Variants in PCDHGB2 observed in about 807,000 individuals in gnomAD.
PCDHGB2 encodes protocadherin gamma-B2.
Under a neutral mutation model 59.3 loss-of-function variants are expected in PCDHGB2, and 55 were observed. That is an observed-to-expected ratio of 0.93 (90% confidence interval 0.75 to 1.16). The LOEUF is 1.16. Ranked by LOEUF, PCDHGB2 falls within the 50% of genes most tolerant of loss-of-function variation. PCDHGB2 has a pLI of 0.00. For synonymous variants in PCDHGB2, 516 were observed against 512.0 expected, an observed-to-expected ratio of 1.01 and a Z score of -0.11; for missense variants, 1,228 against 1,198.5, an observed-to-expected ratio of 1.02 and a Z score of -0.36.
Position 141,487,500 on chromosome 5 carries a change from C to G in PCDHGB2, c.2422-7307C>G. 6.2e-7 allele frequency: 1 copy of G among 1,614,178 alleles called. No individual in the cohort carries two copies. Among genetic ancestry groups the G allele is most frequent in the East Asian group, 2.2e-5 (1 of 44,862 alleles). Reference sequence around the variant, plus strand: ...CACTCTCATGGCTGTACACCCTTGGCTTCTGCACCCACTCGGAGTGATAGC... The same window carrying G: ...CACTCTCATGGCTGTACACCCTTGGGTTCTGCACCCACTCGGAGTGATAGC... On this transcript the variant is annotated intron_variant, in intron 1 of 3. Coordinates refer to ENST00000522605, the MANE Select transcript of PCDHGB2 (RefSeq NM_018923.3). The surrounding 1 kb of genome is among the most constrained non-coding windows in gnomAD (Gnocchi z 5.0).
intron 1 of PCDHGB2, chr5:141,385,316 G>A: frequency 1.2e-6 from 2 of 1,610,350 alleles, no homozygotes; most frequent in Non-Finnish European, 1.7e-6. Flanking sequence ...AACCTGCCAA[G>A]TATTCAGGTG....
chr5:141,370,824 G>C, intron 1 of PCDHGB2: 1 of 1,613,996 alleles, frequency 6.2e-7, no homozygotes, highest in Non-Finnish European at 8.5e-7. Flanking sequence ...GGAAATCAGC[G>C]AACTGGCTCT....
chr5:141,379,766 C>G (rs1325223169), intron 1 of PCDHGB2: 1 of 151,638 alleles, frequency 6.6e-6, no homozygotes, highest in Admixed American at 6.6e-5. Context: ...ACCTGCAATA[C>G]AGATCATTAA....
chr5:141,455,492 T>G (rs958076901), intron 1 of PCDHGB2, among the ~76,000 whole-genome samples: 10 of 152,188 alleles, frequency 6.6e-5, no homozygotes, highest in Non-Finnish European at 1.2e-4. Context: ...GGAGGTGATG[T>G]CTGATTTGCA....
chr5:141,498,045 A>G (rs1368474174), intron 2 of PCDHGB2, among the ~76,000 whole-genome samples: 4 of 152,256 alleles, frequency 2.6e-5, no homozygotes, highest in Non-Finnish European at 4.4e-5. Flanking sequence ...AATTACAAAA[A>G]TAAATGTGAG....
chr5:141,490,640 G>C lies in PCDHGB2; in HGVS notation c.2422-4167G>C, dbSNP rs774630488. 1 of 1,614,122 alleles carries C rather than the reference G, an allele frequency of 6.2e-7. No individual in the cohort carries two copies. The highest frequency in any genetic ancestry group is 8.5e-7 in the Non-Finnish European group (1 of 1,180,012). On this transcript the variant is annotated intron_variant, in intron 1 of 3. Coordinates refer to ENST00000522605, the MANE Select transcript of PCDHGB2 (RefSeq NM_018923.3). This position sits in a 1 kb window ranked among gnomAD's most constrained non-coding sequence, Gnocchi z 5.4. The stretch of plus-strand genomic sequence containing the variant: ...TACACTGCTTACATCCTAGAAAACC[G>C]GCCTCCGGGCTCCCTTCTTTGCACT...
chr5:141,478,145 T>C (rs1252008984), intron 1 of PCDHGB2: 1 of 1,614,026 alleles, frequency 6.2e-7, no homozygotes. Context: ...CCGAGCCGAG[T>C]TCCCCTCTGG....
intron 1 of PCDHGB2, chr5:141,399,616 C>G (rs777443975): frequency 6.2e-7 from 1 of 1,613,962 alleles, no homozygotes. Flanking sequence ...GCCTCTGGCA[C>G]TGGCCTCTTA....
At chr5:141,397,693 A>G (rs1389804077) in intron 1 of PCDHGB2, among the ~76,000 whole-genome samples, 2 of 152,244 alleles carry the variant, frequency 1.3e-5, no homozygotes, top group East Asian at 1.9e-4. Flanking sequence ...TTGTATAAAA[A>G]CCCAACGTGA....
chr5:141,414,903 C>A, intron 1 of PCDHGB2: 2 of 1,614,218 alleles, frequency 1.2e-6, no homozygotes, highest in Non-Finnish European at 1.7e-6. Flanking sequence ...CAGACGGTTC[C>A]ACAGGCGTGG....
chr5:141,385,198 C>A, intron 1 of PCDHGB2: 1 of 1,614,224 alleles, frequency 6.2e-7, no homozygotes, highest in Non-Finnish European at 8.5e-7. Flanking sequence ...TCGGAAGAGT[C>A]ACCTGATCTT....
intron 1 of PCDHGB2, chr5:141,440,652 C>T (rs755275974): frequency 6.6e-6 from 1 of 152,160 alleles, no homozygotes; most frequent in Non-Finnish European, 1.5e-5. Flanking sequence ...AAAATTATCA[C>T]CTTAGCAGCA....
chr5:141,445,025 C>T (rs2154560886), intron 1 of PCDHGB2, among the ~76,000 whole-genome samples: 2 of 152,200 alleles, frequency 1.3e-5, no homozygotes, highest in Middle Eastern at 6.8e-3. Flanking sequence ...TTTCTCTCAG[C>T]TATGTTGTAT....
In PCDHGB2 at chr5:141,487,186, A is replaced by G; in HGVS notation, c.2422-7621A>G. 4 of 1,613,760 alleles carry G rather than the reference A, an allele frequency of 2.5e-6. No individual in the cohort carries two copies. The highest frequency in any genetic ancestry group is 2.5e-6 in the Non-Finnish European group (3 of 1,179,662). ...TGTCCTTAGAGGAAGACACTCATCC[A>G]GTTGTCCCAGATCTTCGAGAATCTT... is the stretch of plus-strand genomic sequence containing the variant. On this transcript the variant is annotated intron_variant, in intron 1 of 3. Coordinates refer to ENST00000522605, the MANE Select transcript of PCDHGB2 (RefSeq NM_018923.3). This position sits in a 1 kb window ranked among gnomAD's most constrained non-coding sequence, Gnocchi z 5.0.
chr5:141,497,005 A>T (rs1249733879), intron 2 of PCDHGB2, among the ~76,000 whole-genome samples: 1 of 152,134 alleles, frequency 6.6e-6, no homozygotes, highest in Non-Finnish European at 1.5e-5. Context: ...GGCAGCCAAC[A>T]TGGTGAAACC....
chr5:141,374,385 G>A (rs1588739577), intron 1 of PCDHGB2: 3 of 1,614,026 alleles, frequency 1.9e-6, no homozygotes, highest in African/African-American at 1.3e-5. Flanking sequence ...CAGAGCCCGC[G>A]GTGTCTGGTG....
intron 1 of PCDHGB2, chr5:141,420,085 C>T: frequency 1.2e-6 from 2 of 1,614,028 alleles, no homozygotes; most frequent in Middle Eastern, 1.6e-4. Context: ...GTCCCCCCAA[C>T]TACAGTGAGG....
intron 1 of PCDHGB2, chr5:141,424,460 C>T (rs2096822106): frequency 6.6e-6 from 1 of 152,056 alleles, no homozygotes; most frequent in African/African-American, 2.4e-5. Context: ...GTATTATTTC[C>T]TTTTATTCTT....
rs765809429 is a variant in PCDHGB2 at position 141,511,205 on chromosome 5, C to A, written c.*32C>A. On this transcript the variant is annotated 3_prime_UTR_variant, in exon 4 of 4. Coordinates refer to ENST00000522605, the MANE Select transcript of PCDHGB2 (RefSeq NM_018923.3). ...GGCCAGGCCAAGAGCCACAGGGCGGCCTCTCCCCAACCAGCCCAGCTTCTC... is the reference window on the plus strand; with the variant it reads ...GGCCAGGCCAAGAGCCACAGGGCGGACTCTCCCCAACCAGCCCAGCTTCTC... 4.3e-6 allele frequency: 7 copies of A among 1,611,426 alleles called. No homozygotes were observed. The Admixed American group carries it at 6.7e-5, about 15-fold the overall frequency.
Sources: allele counts gnomAD v4.1 joint callset (sites outside exome capture counted in the v4.1 genomes callset), GRCh38; gene constraint gnomAD v4.1.1; non-coding constraint Gnocchi (gnomAD v3.1); transcripts MANE v1.5; gene names NCBI Gene and HGNC (gene_info 2026-07-23, HGNC 2026-07-21).